GCN1: variants seen among roughly 807,000 people sequenced by gnomAD.
GCN1 encodes stalled ribosome sensor GCN1.
GCN1 carries 90 observed loss-of-function variants against 288.4 expected under a neutral mutation model. The ratio of observed to expected loss-of-function variants is 0.31; its 90% CI spans 0.26 to 0.37. The LOEUF (loss-of-function observed/expected upper bound fraction) is 0.37. GCN1 is among the 10% of genes least tolerant of loss of function. The probability of loss-of-function intolerance (pLI) is 1.00; values close to 1 mark genes in which losing one functional copy is unlikely to be tolerated. For synonymous variants in GCN1, 1,386 were observed against 1,420.2 expected (o/e 0.98, Z 0.54); for missense variants, 2,586 against 3,419.9 (o/e 0.76, Z 6.08).
At chr12:120,167,235 C>G (rs1209861417) in intron 16 of GCN1, among the ~76,000 whole-genome samples, 2 of 151,194 alleles carry the variant, frequency 1.3e-5, no homozygotes, top group Non-Finnish European at 2.9e-5. Flanking sequence ...TGCCTGTAAT[C>G]CCAGCTACTC....
chr12:120,169,209 G>A (rs7294892), intron 15 of GCN1, among the ~76,000 whole-genome samples: 37,656 of 148,980 alleles, frequency 0.25, 6,351 homozygotes, highest in East Asian at 0.56. Context: ...GGCAGGAGGC[G>A]GAGCTTGCAG....
At chr12:120,193,139 G>A (rs1238091808) in intron 1 of GCN1, among the ~76,000 whole-genome samples, 1 of 152,166 alleles carries the variant, frequency 6.6e-6, no homozygotes, top group Admixed American at 6.5e-5. Flanking sequence ...GATCACCTGA[G>A]GTCAGGAATT....
intron 2 of GCN1, among the ~76,000 whole-genome samples, chr12:120,188,445 A>AG (rs1043335140): frequency 6.6e-6 from 1 of 151,120 alleles, no homozygotes; most frequent in Non-Finnish European, 1.5e-5. Flanking sequence ...CCAAAGAAAA[A>AG]AAAAAAAAAA....
In GCN1 at chr12:120,134,326, C is replaced by T. The variant is rs761699882; in HGVS notation, c.7282G>A (p.Val2428Ile). The part of the protein sequence containing the change: ...KVDAVIRKNI[V>I]SLLLSMLGHD... ...CCCAGCATGCTCAGCAGGAGTGAGACGATGTTTTTCCGGATGACGGCATCC... is the reference window on the plus strand; with the variant it reads ...CCCAGCATGCTCAGCAGGAGTGAGATGATGTTTTTCCGGATGACGGCATCC... The change falls in exon 53 of 58, where the codon GTC becomes ATC. Residue 2428 changes from valine (V) to isoleucine (I), a missense_variant. Physicochemically the swap from Val to Ile is conservative, Grantham distance 29. This residue lies in a region of GCN1 where 355 missense variants were observed against 431.1 expected (regional missense o/e 0.82). Coordinates refer to ENST00000300648, the MANE Select transcript of GCN1 (RefSeq NM_006836.2). The surrounding 1 kb of genome is among the most constrained non-coding windows in gnomAD (Gnocchi z 5.0). The T allele has an allele frequency of 1.0e-4, 169 of 1,613,900 alleles. 3 individuals carry two copies. The South Asian group carries it at 1.1e-3, about 11-fold the overall frequency.
chr12:120,171,871 G>GAT (rs1259105051), intron 14 of GCN1, among the ~76,000 whole-genome samples: 2 of 152,168 alleles, frequency 1.3e-5, no homozygotes, highest in Non-Finnish European at 2.9e-5. Flanking sequence ...AATGCAAACT[G>GAT]ATATATATAG....
chr12:120,154,966 A>T lies in GCN1; in HGVS notation c.3701+4T>A. ...AGTAGAACGAGGCTGAACAATTGTT[A>T]TACCTGGCTTCCCACTGATCTGGAG... is the stretch of plus-strand genomic sequence containing the variant. On this transcript the variant is annotated splice_donor_region_variant and intron_variant, in intron 31 of 57. Coordinates refer to ENST00000300648, the MANE Select transcript of GCN1 (RefSeq NM_006836.2). The T allele has an allele frequency of 6.2e-7, 1 of 1,611,066 alleles. No individual in the cohort carries two copies. The highest frequency in any genetic ancestry group is 8.5e-7 in the Non-Finnish European group (1 of 1,177,156).
Position 120,158,778 on chromosome 12 carries a change from C to T in GCN1, c.2750-163G>A, listed in dbSNP as rs1298379835. Among the ~76,000 whole-genome samples the T allele has an allele frequency of 6.6e-6, 1 of 152,036 alleles. No homozygotes were observed. The highest frequency in any genetic ancestry group is 1.5e-5 in the Non-Finnish European group (1 of 68,012). On this transcript the variant is annotated intron_variant, in intron 24 of 57. Transcript: ENST00000300648. This position sits in a 1 kb window ranked among gnomAD's most constrained non-coding sequence, Gnocchi z 4.3. ...CTGTAATCCCAGCACTTTGGGAGGC[C>T]GAGGCGGGCGGATCATGAGGTCAGG... is the stretch of plus-strand genomic sequence containing the variant.
At position 120,134,240 on chromosome 12, in the gene GCN1, G is replaced by A; in HGVS notation, c.7317+51C>T. 1 of 1,223,548 alleles carries A rather than the reference G, an allele frequency of 8.2e-7. No homozygotes were observed. The allele number at this position is 1,223,548 out of a possible 1,614,324, so 75.8% of individuals were successfully genotyped here. On this transcript the variant is annotated intron_variant, in intron 53 of 57. Transcript: ENST00000300648. The surrounding 1 kb of genome is among the most constrained non-coding windows in gnomAD (Gnocchi z 5.0). Reference sequence around the variant, plus strand: ...AGTGAAGAACTCAACCTAAGGAGGAGGAGGGAAACCAGTGGTCCAGTGCTG... The same window carrying A: ...AGTGAAGAACTCAACCTAAGGAGGAAGAGGGAAACCAGTGGTCCAGTGCTG...
At chr12:120,149,177 G>T (rs1052967212) in intron 36 of GCN1, among the ~76,000 whole-genome samples, 1 of 152,054 alleles carries the variant, frequency 6.6e-6, no homozygotes, top group African/African-American at 2.4e-5. Flanking sequence ...TCTTGTCAGA[G>T]ACCTGTTTCT....
At position 120,138,167 on chromosome 12, in the gene GCN1, A is replaced by G. The variant is rs954993392; in HGVS notation, c.6250-123T>C. 18 of 993,252 alleles carry G rather than the reference A, an allele frequency of 1.8e-5. No individual in the cohort carries two copies. In the South Asian group the frequency reaches 1.9e-4, roughly 11 times the overall value. The allele number at this position is 993,252 out of a possible 1,614,324, so 61.5% of individuals were successfully genotyped here. ...CTCAGAGCCAAGCATCTACTCCAGCATATCTTGGAAGACAACAGGGGAAGG... is the reference window on the plus strand; with the variant it reads ...CTCAGAGCCAAGCATCTACTCCAGCGTATCTTGGAAGACAACAGGGGAAGG... On this transcript the variant is annotated intron_variant, in intron 47 of 57. Coordinates refer to ENST00000300648, the MANE Select transcript of GCN1 (RefSeq NM_006836.2).
chr12:120,155,117 C>G lies in GCN1; in HGVS notation c.3631-77G>C. The G allele has an allele frequency of 4.0e-6, 6 of 1,517,454 alleles. No homozygotes were observed. The South Asian group carries it at 5.6e-5, about 14-fold the overall frequency. 94.0% of individuals were successfully genotyped at this position (1,517,454 alleles called of 1,614,324 possible). A position where few individuals can be genotyped will look rare whatever the true frequency, so the allele number is the denominator to read the frequency against. On this transcript the variant is annotated intron_variant, in intron 30 of 57. Coordinates refer to ENST00000300648, the MANE Select transcript of GCN1 (RefSeq NM_006836.2). The surrounding 1 kb of genome is among the most constrained non-coding windows in gnomAD (Gnocchi z 4.9). The stretch of plus-strand genomic sequence containing the variant: ...GGCACCAGGATTGTGAGGCAGGAAA[C>G]TAGCCGCAGCTACCCTGAGCCACCG...
chr12:120,138,574 A>T, intron 46 of GCN1, 121 bp downstream of exon 46: 1 of 1,093,152 alleles, frequency 9.1e-7, no homozygotes, highest in Non-Finnish European at 1.4e-6. Flanking sequence ...ATCTTGCTAT[A>T]CCCACTCCCT....
chr12:120,139,713 G>A (rs1877129174), intron 45 of GCN1, among the ~76,000 whole-genome samples: 1 of 151,986 alleles, frequency 6.6e-6, no homozygotes, highest in African/African-American at 2.4e-5. Context: ...AATCTTTTAG[G>A]TGAATTCTCA....
Position 120,137,638 on chromosome 12 carries a change from C to T in GCN1, c.6570G>A (p.Leu2190=). ...GGATCAGGCCCGAGACCAGGCTCCG[C>T]AGGTGGCTGGTGTAGTCAGCCTTTG... The part of the protein sequence containing the change: ...SRSKADYTSH[L]RSLVSGLIRL... Residue 2190 remains leucine, a synonymous_variant, in exon 49 of 58, where the codon CTG becomes CTA. Coordinates refer to ENST00000300648, the MANE Select transcript of GCN1 (RefSeq NM_006836.2). This position sits in a 1 kb window ranked among gnomAD's most constrained non-coding sequence, Gnocchi z 5.2. 1 of 1,614,122 alleles carries T rather than the reference C, an allele frequency of 6.2e-7. No individual in the cohort carries two copies. Among genetic ancestry groups the T allele is most frequent in the Non-Finnish European group, 8.5e-7 (1 of 1,179,968 alleles).
chr12:120,180,637 T>C (rs951655714), intron 5 of GCN1, among the ~76,000 whole-genome samples: 15 of 151,806 alleles, frequency 9.9e-5, no homozygotes, highest in Admixed American at 5.3e-4. Context: ...AGAGACTTTA[T>C]GTGCCATAAA....
intron 2 of GCN1, among the ~76,000 whole-genome samples, chr12:120,187,901 A>AC (rs151017202): frequency 6.4e-4 from 97 of 151,014 alleles, no homozygotes; most frequent in Non-Finnish European, 1.2e-3. Context: ...AAAAAAAAAA[A>AC]CAAAAAACTA....
chr12:120,133,131 G>T (rs1326412253), intron 53 of GCN1, among the ~76,000 whole-genome samples: 1 of 152,212 alleles, frequency 6.6e-6, no homozygotes, highest in African/African-American at 2.4e-5. Context: ...CTGGGGACCA[G>T]AACTAGGCCT....
chr12:120,170,979 G>A (rs550012723), intron 14 of GCN1, among the ~76,000 whole-genome samples: 19 of 151,836 alleles, frequency 1.3e-4, no homozygotes, highest in Non-Finnish European at 2.8e-4. Flanking sequence ...GACCAATATG[G>A]TGAAACCCTG....
intron 16 of GCN1, 144 bp from the exon 17 acceptor site, chr12:120,164,865 G>GTTTT: frequency 8.0e-6 from 3 of 373,068 alleles, no homozygotes; most frequent in Non-Finnish European, 4.8e-6. Context: ...ATTACAGCTT[G>GTTTT]TTTTTTTTTT....
Sources: gnomAD v4.1 joint callset for allele counts (sites outside exome capture counted in the v4.1 genomes callset) on GRCh38, gnomAD v4.1.1 for gene constraint, gnomAD v4.1.1 regional missense constraint, Gnocchi (gnomAD v3.1) non-coding constraint, MANE v1.5 for transcripts, NCBI Gene and HGNC (gene_info 2026-07-23, HGNC 2026-07-21) for gene names.